The following AKAP12 variants were observed in gnomAD, a reference collection of about 807,000 sequenced individuals.
AKAP12 encodes A-kinase anchor protein 12.
In AKAP12, 32 loss-of-function variants were observed where a neutral mutation model predicts 79.9. That is an observed-to-expected ratio of 0.40 (90% CI 0.30 to 0.54). AKAP12 has a LOEUF of 0.54. Ranked by LOEUF, AKAP12 falls within the 20% of genes least tolerant of loss-of-function variation. The pLI is 0.48. For missense variants in AKAP12, 2,074 were observed against 2,177.0 expected (o/e 0.95, Z 0.94); for synonymous variants, 808 against 857.0 (o/e 0.94, Z 1.00).
intron 3 of AKAP12, among the ~76,000 whole-genome samples, chr6:151,320,899 T>A (rs1251246381): frequency 6.6e-6 from 1 of 152,188 alleles, no homozygotes; most frequent in African/African-American, 2.4e-5. Context: ...AGTTGACCCA[T>A]TTAAAGTACA....
At chr6:151,263,918 C>G (rs1297762966) in intron 2 of AKAP12, among the ~76,000 whole-genome samples, 1 of 152,138 alleles carries the variant, frequency 6.6e-6, no homozygotes, top group Non-Finnish European at 1.5e-5. Flanking sequence ...TCCATTACAT[C>G]TATGTGCTGA....
intron 3 of AKAP12, among the ~76,000 whole-genome samples, chr6:151,330,821 G>A (rs1777647808): frequency 6.6e-6 from 1 of 152,014 alleles, no homozygotes. Flanking sequence ...AAAAAAAGAT[G>A]ATGCTCCAGG....
chr6:151,278,353 T>C (rs1170109881), intron 2 of AKAP12, among the ~76,000 whole-genome samples: 2 of 151,102 alleles, frequency 1.3e-5, no homozygotes, highest in East Asian at 4.0e-4. Flanking sequence ...GTAGCTGGGA[T>C]TGCAGGCGCC....
intron 3 of AKAP12, among the ~76,000 whole-genome samples, chr6:151,321,915 T>TCTG (rs1034155231): frequency 6.9e-6 from 1 of 145,644 alleles, no homozygotes; most frequent in Non-Finnish European, 1.5e-5. Context: ...TTTTTTTTTT[T>TCTG]TTTTTTTTTT....
intron 2 of AKAP12, among the ~76,000 whole-genome samples, chr6:151,256,704 C>T (rs2114692182): frequency 6.6e-6 from 1 of 151,924 alleles, no homozygotes; most frequent in East Asian, 1.9e-4. Context: ...GCCTGGAGTG[C>T]AGTGACGCGA....
chr6:151,312,119 C>T (rs1777118892), intron 3 of AKAP12, among the ~76,000 whole-genome samples: 1 of 152,182 alleles, frequency 6.6e-6, no homozygotes, highest in Non-Finnish European at 1.5e-5. Flanking sequence ...CTTTTCTCTA[C>T]ACCAGTTGTT....
At position 151,349,671 on chromosome 6, in the gene AKAP12, G is replaced by C; in HGVS notation, c.1280G>C (p.Arg427Thr). Reference sequence around the variant, plus strand: ...GTCCACGTCAGCACCGTGGAGGAGAGAACCGAAGAGCAGAAAACGGAGGTG... The same window carrying C: ...GTCCACGTCAGCACCGTGGAGGAGACAACCGAAGAGCAGAAAACGGAGGTG... ...AEVHVSTVEERTEEQKTEVEE... is the reference protein window; with the variant it reads ...AEVHVSTVEETTEEQKTEVEE... Residue 427 changes from arginine (R) to threonine (T), a missense_variant, in exon 4 of 5, where the codon AGA (arginine) becomes ACA (threonine). Physicochemically the swap from Arg to Thr is moderately conservative, Grantham distance 71. Coordinates refer to ENST00000402676, the MANE Select transcript of AKAP12 (RefSeq NM_005100.4). 1 of 1,614,108 alleles carries C rather than the reference G, an allele frequency of 6.2e-7. No homozygotes were observed. The highest frequency in any genetic ancestry group is 8.5e-7 in the Non-Finnish European group (1 of 1,180,032).
chr6:151,271,798 T>G (rs527785374), intron 2 of AKAP12, among the ~76,000 whole-genome samples: 1 of 152,252 alleles, frequency 6.6e-6, no homozygotes, highest in East Asian at 1.9e-4. Flanking sequence ...TAGCTGTGAT[T>G]ACAGGCGCTT....
At chr6:151,274,140 C>T (rs977473350) in intron 2 of AKAP12, among the ~76,000 whole-genome samples, 5 of 151,040 alleles carry the variant, frequency 3.3e-5, no homozygotes, top group African/African-American at 7.3e-5. Flanking sequence ...GGCGCAATCT[C>T]GGCTCACTGC....
intron 2 of AKAP12, among the ~76,000 whole-genome samples, chr6:151,241,918 T>C (rs1004902745): frequency 6.6e-6 from 1 of 151,968 alleles, no homozygotes; most frequent in Non-Finnish European, 1.5e-5. Context: ...GAGACTGCTG[T>C]TAATAATATA....
intron 2 of AKAP12, 37 bp from the exon 3 acceptor site, chr6:151,305,710 C>A: frequency 6.3e-7 from 1 of 1,576,578 alleles, no homozygotes; most frequent in Non-Finnish European, 8.6e-7. Context: ...GTCATGAGGA[C>A]TGAAATTAAG....
At chr6:151,281,201 T>C (rs1213528831) in intron 2 of AKAP12, among the ~76,000 whole-genome samples, 1 of 152,186 alleles carries the variant, frequency 6.6e-6, no homozygotes, top group African/African-American at 2.4e-5. Flanking sequence ...TGACTTAACT[T>C]GCGAGCCTCC....
intron 3 of AKAP12, among the ~76,000 whole-genome samples, chr6:151,315,617 A>G (rs1210230301): frequency 1.3e-5 from 2 of 152,222 alleles, no homozygotes; most frequent in East Asian, 3.8e-4. Flanking sequence ...AAACAATTTC[A>G]GTGTCACCTA....
chr6:151,250,918 A>G (rs1453196847), intron 2 of AKAP12, among the ~76,000 whole-genome samples: 1 of 152,124 alleles, frequency 6.6e-6, no homozygotes, highest in Non-Finnish European at 1.5e-5. Flanking sequence ...AAATGGTCAG[A>G]TATTTTCTAA....
At chr6:151,331,829 A>G (rs9478195) in intron 3 of AKAP12, among the ~76,000 whole-genome samples, 73,844 of 148,226 alleles carry the variant, frequency 0.5, 21,411 homozygotes, top group African/African-American at 0.8. Flanking sequence ...AGCTGGCAGT[A>G]AGCCAAGATT....
rs781279265 is a variant in AKAP12, at chr6:151,349,518, A to T, written c.1127A>T (p.Lys376Ile). 7 of 1,610,562 alleles carry T rather than the reference A, an allele frequency of 4.3e-6. No homozygotes were observed. The highest frequency in any genetic ancestry group is 5.1e-6 in the Non-Finnish European group (6 of 1,179,040). Residue 376 changes from lysine (K) to isoleucine (I), a missense_variant, in exon 4 of 5, where the codon AAA (lysine) becomes ATA (isoleucine). Around this residue, in one of 3 missense-constraint regions of AKAP12, gnomAD observed 1,428 missense variants for 1,451.0 expected, o/e 0.98. Transcript: ENST00000402676. ...CCCCGGTTATCAGCTGAATATGAGA[A>T]AGTTGAGCTGCCCTCAGAGGAGCAA... is the stretch of plus-strand genomic sequence containing the variant. ...HEPRLSAEYE[K>I]VELPSEEQVS...
chr6:151,352,864 T>C lies in AKAP12; in HGVS notation c.4473T>C (p.Thr1491=). Residue 1491 remains threonine, a synonymous_variant, in exon 4 of 5, where the codon ACT becomes ACC. Transcript: ENST00000402676. The part of the protein sequence containing the change: ...AKSTPVIVSA[T]TKKGLSSDLE... ...CGACACCAGTGATAGTATCTGCTAC[T>C]ACCAAGAAAGGCTTAAGTTCCGACC... The C allele has an allele frequency of 6.2e-7, 1 of 1,614,202 alleles. No individual in the cohort carries two copies.
chr6:151,322,683 GCCCACTCCCGCCACTGGGCGTGTCCACCA>G lies in AKAP12; in HGVS notation c.319+16818_319+16846del, dbSNP rs1249134204. Among the ~76,000 whole-genome samples the G allele has an allele frequency of 7.2e-3, 1,009 of 140,152 alleles. 3 individuals carry two copies. Among genetic ancestry groups the G allele is most frequent in the Non-Finnish European group, 0.01 (696 of 67,440 alleles). 91.9% of individuals were successfully genotyped at this position (140,152 alleles called of 152,430 possible). On this transcript the variant is annotated intron_variant, in intron 3 of 4. Coordinates refer to ENST00000402676, the MANE Select transcript of AKAP12 (RefSeq NM_005100.4). The stretch of plus-strand genomic sequence containing the variant: ...CTCAGAGGTGAGCCAAACTAGAGCT[GCCCACTCCCGCCACTGGGCGTGTCCACCA>G]CCCACTCCCGCCACTGGGCGTGTCC...
At chr6:151,294,296 G>T (rs1423675077) in intron 2 of AKAP12, among the ~76,000 whole-genome samples, 1 of 152,128 alleles carries the variant, frequency 6.6e-6, no homozygotes, top group Non-Finnish European at 1.5e-5. Context: ...GATTCTATGA[G>T]GCTGTGAGTA....
Sources: gnomAD v4.1 joint callset for allele counts (sites outside exome capture counted in the v4.1 genomes callset) on GRCh38, gnomAD v4.1.1 for gene constraint, gnomAD v4.1.1 regional missense constraint, MANE v1.5 for transcripts, NCBI Gene and HGNC (gene_info 2026-07-23, HGNC 2026-07-21) for gene names.